TANC2: variants seen among roughly 807,000 people sequenced by gnomAD.
TANC2 encodes the protein tetratricopeptide repeat, ankyrin repeat and coiled-coil containing 2.
A neutral mutation model predicts 210.5 loss-of-function variants in TANC2; 26 were observed. The ratio of observed to expected loss-of-function variants is 0.12; its 90% confidence interval spans 0.09 to 0.17. The LOEUF (loss-of-function observed/expected upper bound fraction) is 0.17. Ranked by LOEUF, TANC2 falls within the 10% of genes least tolerant of loss-of-function variation. The pLI is 1.00. For missense variants in TANC2, 2,129 were observed against 2,608.9 expected (o/e 0.82, Z 4.01); for synonymous variants, 931 against 967.1 (o/e 0.96, Z 0.69).
chr17:63,118,943 C>T (rs571814968), intron 4 of TANC2, among the ~76,000 whole-genome samples: 128 of 152,042 alleles, frequency 8.4e-4, no homozygotes, highest in South Asian at 4.2e-4. Flanking sequence ...CCACCACGCC[C>T]GGCTAATTTT....
rs1178023282 is a variant in TANC2, at chr17:63,265,883, G to A, written c.1034-1865G>A. ...TTGCACACTACCCAGCACATTACAGGTGTTTAATAAATACATGTTCATTCC... is the reference window on the plus strand; with the variant it reads ...TTGCACACTACCCAGCACATTACAGATGTTTAATAAATACATGTTCATTCC... On this transcript the variant is annotated intron_variant, in intron 8 of 27. Transcript: ENST00000689528. Among the ~76,000 whole-genome samples the A allele has an allele frequency of 2.6e-5, 4 of 152,136 alleles. No individual in the cohort carries two copies. The East Asian group carries it at 5.8e-4, about 22-fold the overall frequency.
chr17:63,015,708 T>A (rs2034076549), intron 2 of TANC2, among the ~76,000 whole-genome samples: 1 of 150,356 alleles, frequency 6.7e-6, no homozygotes, highest in East Asian at 2.0e-4. Flanking sequence ...AATTATTTTT[T>A]TCTGATGCTT....
intron 15 of TANC2, among the ~76,000 whole-genome samples, chr17:63,384,389 G>A (rs1353110502): frequency 2.0e-5 from 3 of 151,918 alleles, no homozygotes; most frequent in East Asian, 1.9e-4. Context: ...AATAATATTA[G>A]CCCTTACTAA....
chr17:63,258,415 A>G (rs2120256), intron 8 of TANC2, among the ~76,000 whole-genome samples: 23,033 of 152,146 alleles, frequency 0.15, 2,093 homozygotes, highest in Middle Eastern at 0.22. Flanking sequence ...CTCCCTTTGA[A>G]TAAACATTCT....
At chr17:63,297,933 G>T (rs921233626) in intron 9 of TANC2, among the ~76,000 whole-genome samples, 16 of 152,014 alleles carry the variant, frequency 1.1e-4, no homozygotes, top group Non-Finnish European at 1.5e-4. Flanking sequence ...AAGATGTACA[G>T]ATGTCTAGCT....
intron 19 of TANC2, among the ~76,000 whole-genome samples, chr17:63,399,787 ATT>A (rs963122739): frequency 2.0e-5 from 3 of 152,232 alleles, no homozygotes; most frequent in African/African-American, 7.2e-5. Flanking sequence ...CTCATTTAAA[ATT>A]TATAAAGACC....
At chr17:63,301,406 C>A (rs1293218700) in intron 9 of TANC2, among the ~76,000 whole-genome samples, 1 of 152,046 alleles carries the variant, frequency 6.6e-6, no homozygotes, top group Non-Finnish European at 1.5e-5. Context: ...TCCATCTGGT[C>A]CTGGACTTTT....
intron 4 of TANC2, among the ~76,000 whole-genome samples, chr17:63,121,448 T>C (rs1229304645): frequency 1.3e-5 from 2 of 152,038 alleles, no homozygotes; most frequent in Non-Finnish European, 1.5e-5. Context: ...TTCCTCTCCA[T>C]TGGCCTACAT....
chr17:63,172,678 T>C (rs2145583076), intron 5 of TANC2, among the ~76,000 whole-genome samples: 1 of 152,288 alleles, frequency 6.6e-6, no homozygotes, highest in South Asian at 2.1e-4. Flanking sequence ...GTTCACTAAA[T>C]GTGTGCTGAA....
intron 8 of TANC2, among the ~76,000 whole-genome samples, chr17:63,248,090 C>T (rs73325705): frequency 0.021 from 3,181 of 152,158 alleles, 104 homozygotes; most frequent in African/African-American, 0.071. Context: ...TTTGATAAAA[C>T]CACAACCTCT....
At chr17:63,339,212 A>C (rs139101164) in intron 11 of TANC2, among the ~76,000 whole-genome samples, 7 of 152,320 alleles carry the variant, frequency 4.6e-5, no homozygotes, top group Non-Finnish European at 1.0e-4. Flanking sequence ...CTTTCTCTAC[A>C]TTCAAGCTGA....
intron 7 of TANC2, among the ~76,000 whole-genome samples, chr17:63,233,954 A>G (rs2042549940): frequency 6.6e-6 from 1 of 152,198 alleles, no homozygotes; most frequent in Non-Finnish European, 1.5e-5. Context: ...TCCAACAGGT[A>G]AAGTAAAATA....
intron 4 of TANC2, among the ~76,000 whole-genome samples, chr17:63,142,589 T>TA (rs1490012269): frequency 6.6e-6 from 1 of 152,156 alleles, no homozygotes; most frequent in East Asian, 1.9e-4. Context: ...ATAAGTTTAT[T>TA]TGCTGTTTCA....
intron 5 of TANC2, among the ~76,000 whole-genome samples, chr17:63,158,165 G>A (rs567348407): frequency 2.2e-4 from 34 of 152,112 alleles, no homozygotes; most frequent in Non-Finnish European, 4.6e-4. Flanking sequence ...CTTGAGTTCA[G>A]TTCTGGCTGT....
chr17:63,242,500 A>C (rs568162792), intron 8 of TANC2, among the ~76,000 whole-genome samples: 2 of 152,188 alleles, frequency 1.3e-5, no homozygotes, highest in South Asian at 4.2e-4. Context: ...GGCCAACTAA[A>C]AGGGACTTGA....
intron 3 of TANC2, among the ~76,000 whole-genome samples, chr17:63,087,218 G>A (rs188232458): frequency 8.5e-5 from 13 of 152,246 alleles, no homozygotes; most frequent in East Asian, 5.8e-4. Flanking sequence ...AGTATCTTTC[G>A]CCTTTTAATG....
intron 9 of TANC2, among the ~76,000 whole-genome samples, chr17:63,292,469 T>C (rs1012255635): frequency 6.6e-6 from 1 of 152,212 alleles, no homozygotes; most frequent in Non-Finnish European, 1.5e-5. Context: ...ACAGAAAGTC[T>C]TTAGTGACTT....
At chr17:62,982,492 T>C (rs2032354255) in intron 1 of TANC2, among the ~76,000 whole-genome samples, 1 of 152,240 alleles carries the variant, frequency 6.6e-6, no homozygotes, top group Admixed American at 6.5e-5. Context: ...TCAATGAATT[T>C]GTCTTCCAAT....
chr17:63,385,086 T>C (rs192056536), intron 15 of TANC2, among the ~76,000 whole-genome samples: 1 of 152,162 alleles, frequency 6.6e-6, no homozygotes, highest in Non-Finnish European at 1.5e-5. Context: ...CCTAGGGCTG[T>C]TGTGAAGATT....
Sources: gnomAD v4.1 joint callset for allele counts (sites outside exome capture counted in the v4.1 genomes callset) on GRCh38, gnomAD v4.1.1 for gene constraint, MANE v1.5 for transcripts, NCBI Gene and HGNC (gene_info 2026-07-23, HGNC 2026-07-21) for gene names.